Variants in VGLL4 observed in about 807,000 individuals in gnomAD.
VGLL4 encodes transcription cofactor vestigial-like protein 4.
VGLL4 carries 7 observed loss-of-function variants against 21.0 expected under a neutral mutation model. The observed-to-expected ratio is 0.33, with a 90% CI of 0.19 to 0.63. VGLL4 has a LOEUF of 0.63. VGLL4 is among the 20% of genes least tolerant of loss of function. VGLL4 has a pLI of 0.78. For synonymous variants in VGLL4, 222 were observed against 173.2 expected, an observed-to-expected ratio of 1.28 and a Z score of -2.21; for missense variants, 394 against 425.7, an observed-to-expected ratio of 0.93 and a Z score of 0.66.
intron 1 of VGLL4, among the ~76,000 whole-genome samples, chr3:11,602,751 G>A (rs751242145): frequency 2.2e-4 from 34 of 152,128 alleles, no homozygotes; most frequent in African/African-American, 7.7e-4. Flanking sequence ...ACATCTTGGC[G>A]TTTTTCATTA....
intron 2 of VGLL4, chr3:11,699,463 T>C (rs1212034019): frequency 1.3e-5 from 2 of 152,110 alleles, no homozygotes; most frequent in Non-Finnish European, 2.9e-5. Flanking sequence ...GATACAGGGA[T>C]TCTAGAATTA....
chr3:11,573,275 GAAAGAAAGAAAGAAAGA>G (rs2073872673), intron 2 of VGLL4, among the ~76,000 whole-genome samples: 6 of 16,396 alleles, frequency 3.7e-4, no homozygotes, highest in Non-Finnish European at 6.3e-4. Context: ...AAGAAAGAAA[GAAAGAAAGAAAGAAAGA>G]AAGAAAGAAA....
intron 2 of VGLL4, among the ~76,000 whole-genome samples, chr3:11,700,538 C>T (rs1195537133): frequency 6.6e-6 from 1 of 152,026 alleles, no homozygotes; most frequent in African/African-American, 2.4e-5. Flanking sequence ...TTTCTCCCTT[C>T]ACCCCCAAAA....
chr3:11,648,761 G>A (rs912289890), upstream of VGLL4, among the ~76,000 whole-genome samples: 2 of 152,094 alleles, frequency 1.3e-5, no homozygotes, highest in African/African-American at 4.8e-5. Flanking sequence ...AGAAACAAAT[G>A]GCCAACACAT....
rs573018859 is a variant in VGLL4 at position 11,688,932 on chromosome 3, C to T, written c.64+14039G>A. 7.9e-5 allele frequency among the ~76,000 whole-genome samples: 12 copies of T among 152,046 alleles called. No homozygotes were observed. In the South Asian group the frequency reaches 8.3e-4, roughly 11 times the overall value. On this transcript the variant is annotated intron_variant, in intron 2 of 5. Transcript: ENST00000273038. ...ACTCGGGAGGCTATGACAAGAGAAT[C>T]GCTTGAACCCGGGAGCTGGAGGGAG...
intron 2 of VGLL4, among the ~76,000 whole-genome samples, chr3:11,701,272 CT>C (rs1302904233): frequency 6.6e-6 from 1 of 152,164 alleles, no homozygotes; most frequent in Non-Finnish European, 1.5e-5. Context: ...CTTCCTCTTT[CT>C]TGCCCTTCCT....
intron 1 of VGLL4, chr3:11,610,739 T>C (rs2075045417): frequency 6.6e-6 from 1 of 152,250 alleles, no homozygotes; most frequent in Non-Finnish European, 1.5e-5. Flanking sequence ...ATAAAACTGG[T>C]AGAAGTGAAG....
intron 1 of VGLL4, chr3:11,710,375 C>T (rs749159974): frequency 2.1e-4 from 32 of 152,212 alleles, no homozygotes; most frequent in African/African-American, 7.7e-4. Flanking sequence ...ATAAAAGCTA[C>T]AGCACCAGGC....
chr3:11,618,559 G>T (rs1338055089), intron 1 of VGLL4, among the ~76,000 whole-genome samples: 1 of 152,108 alleles, frequency 6.6e-6, no homozygotes, highest in Non-Finnish European at 1.5e-5. Flanking sequence ...TTTTAAAGGT[G>T]CAATTGCAGA....
chr3:11,697,610 T>C (rs1468947670), intron 2 of VGLL4, among the ~76,000 whole-genome samples: 12 of 14,006 alleles, frequency 8.6e-4, no homozygotes, highest in African/African-American at 5.3e-3. Context: ...AAAGAAATCA[T>C]AAGAGAAAAG....
rs541671855 is a variant in VGLL4 at position 11,622,706 on chromosome 3, T to C, written c.83-20684A>G. ...CATTTATATTTCACGATTAGTTCTCTAGGCCCCTTATTCTCTCTGCGCCAT... is the reference window on the plus strand; with the variant it reads ...CATTTATATTTCACGATTAGTTCTCCAGGCCCCTTATTCTCTCTGCGCCAT... On this transcript the variant is annotated intron_variant, in intron 1 of 4. Coordinates refer to ENST00000430365, the MANE Select transcript of VGLL4 (RefSeq NM_001128219.3). Among the ~76,000 whole-genome samples the C allele has an allele frequency of 3.3e-5, 5 of 152,398 alleles. No individual in the cohort carries two copies. The East Asian group carries it at 9.6e-4, about 29-fold the overall frequency.
At chr3:11,614,120 G>A (rs77933732) in intron 1 of VGLL4, among the ~76,000 whole-genome samples, 3,292 of 152,300 alleles carry the variant, frequency 0.022, 53 homozygotes, top group South Asian at 0.055. Context: ...ACACACTCTG[G>A]ACTTACAGGC....
intron 1 of VGLL4, among the ~76,000 whole-genome samples, chr3:11,643,097 C>T (rs1559919333): frequency 6.6e-6 from 1 of 152,158 alleles, no homozygotes; most frequent in Non-Finnish European, 1.5e-5. Flanking sequence ...CAACTTTTAC[C>T]GGCGTCCTAC....
intron 2 of VGLL4, chr3:11,702,742 AAAC>A (rs2076700598): frequency 3.8e-6 from 1 of 266,352 alleles, no homozygotes; most frequent in Non-Finnish European, 7.1e-6. Context: ...AAAAAAAAAA[AAAC>A]AAAAAAAAAA....
intron 1 of VGLL4, among the ~76,000 whole-genome samples, chr3:11,711,310 C>T (rs1226888074): frequency 6.6e-6 from 1 of 151,970 alleles, no homozygotes; most frequent in African/African-American, 2.4e-5. Context: ...GAGGCTGAGG[C>T]GGGCAGATCA....
rs1369837846 is a variant in VGLL4, at chr3:11,559,404, G to A, written c.547C>T (p.Leu183Phe). The A allele has an allele frequency of 1.2e-5, 18 of 1,562,786 alleles. No individual in the cohort carries two copies. Among genetic ancestry groups the A allele is most frequent in the Non-Finnish European group, 1.4e-5 (16 of 1,154,682 alleles). ...CTGTGCGCGATGGGGCAGTGCGAGA[G>A]GTTGCAGTTGCGGGCGCCAGCCGAG... ...CASAGARNCNLSHCPIAHSGC... is the reference protein window; with the variant it reads ...CASAGARNCNFSHCPIAHSGC... The change falls in exon 4 of 5, where the codon CTC (leucine) becomes TTC (phenylalanine). Residue 183 changes from leucine to phenylalanine, a missense_variant. By Grantham distance (22) the Leu-to-Phe change is conservative. Transcript: ENST00000430365.
At chr3:11,586,857 C>A (rs1188195586) in intron 2 of VGLL4, among the ~76,000 whole-genome samples, 1 of 152,086 alleles carries the variant, frequency 6.6e-6, no homozygotes, top group Non-Finnish European at 1.5e-5. Flanking sequence ...TGGAGAGAGG[C>A]CTGACATGCA....
Position 11,564,959 on chromosome 3 carries a change from G to C in VGLL4, c.333C>G (p.Ile111Met), listed in dbSNP as rs141056077. The stretch of plus-strand genomic sequence containing the variant: ...TCATGGTGGGGGCCACAGCGCGCTC[G>C]ATGGGGCTGCGGCTCCGCTCCCGGG... ...RDPRERSRSPIERAVAPTMSL... is the reference protein window; with the variant it reads ...RDPRERSRSPMERAVAPTMSL... The change falls in exon 3 of 5, where the codon ATC (isoleucine) becomes ATG (methionine). Residue 111 changes from isoleucine to methionine, a missense_variant. Ile to Met is a conservative substitution (Grantham distance 10). Coordinates refer to ENST00000430365, the MANE Select transcript of VGLL4 (RefSeq NM_001128219.3). The C allele has an allele frequency of 6.4e-7, 1 of 1,561,052 alleles. No homozygotes were observed. The highest frequency in any genetic ancestry group is 1.2e-5 in the South Asian group (1 of 84,454).
intron 2 of VGLL4, among the ~76,000 whole-genome samples, chr3:11,668,732 G>T (rs896175366): frequency 6.6e-6 from 1 of 152,158 alleles, no homozygotes; most frequent in Admixed American, 6.5e-5. Context: ...CTGCTCACAC[G>T]CCAGGCTCTC....
Sources: gnomAD v4.1 joint callset for allele counts (sites outside exome capture counted in the v4.1 genomes callset) on GRCh38, gnomAD v4.1.1 for gene constraint, MANE v1.5 for transcripts, NCBI Gene and HGNC (gene_info 2026-07-23, HGNC 2026-07-21) for gene names.